Variants in DPPA2 observed in about 807,000 individuals in gnomAD.
The protein encoded by DPPA2 is developmental pluripotency associated 2.
Under a neutral mutation model 36.2 loss-of-function variants are expected in DPPA2, and 26 were observed. The ratio of observed to expected loss-of-function variants is 0.72; its 90% confidence interval spans 0.53 to 1.00. DPPA2 has a LOEUF of 1.00. Among genes scored for constraint, DPPA2 ranks in the 50% least tolerant of loss-of-function variants. The pLI, the probability that DPPA2 is intolerant of heterozygous loss-of-function variation, is 0.00. For synonymous variants in DPPA2, 113 were observed against 123.2 expected (o/e 0.92, Z 0.55); for missense variants, 361 against 365.1 (o/e 0.99, Z 0.09).
Position 109,312,657 on chromosome 3 carries a change from AC to A in DPPA2, c.68del (p.Ser23MetfsTer2). ...FLEGEVDDEE[S>X]VILTLVPVKD... ...TAACTGGCACCAGTGTCAAAATCAC[AC>A]TTTCCTCATCATCTACTTCCCCCTC... On this transcript the variant is annotated frameshift_variant, in exon 3 of 9. Transcript: ENST00000478945. LOFTEE classifies it high-confidence loss of function. 6.2e-7 allele frequency: 1 copy of A among 1,613,914 alleles called. No homozygotes were observed. The highest frequency in any genetic ancestry group is 8.5e-7 in the Non-Finnish European group (1 of 1,179,864).
At chr3:109,311,671 C>T (rs548857727) in intron 3 of DPPA2, among the ~76,000 whole-genome samples, 11 of 151,282 alleles carry the variant, frequency 7.3e-5, no homozygotes, top group African/African-American at 1.5e-4. Context: ...ACCCAGGAGG[C>T]GGAGGTTGCA....
chr3:109,307,823 T>C (rs1257722757), intron 6 of DPPA2, among the ~76,000 whole-genome samples: 1 of 152,150 alleles, frequency 6.6e-6, no homozygotes, highest in Non-Finnish European at 1.5e-5. Context: ...AAAGGGCCAC[T>C]ACTCAGTCAC....
intron 8 of DPPA2, 64 bp downstream of exon 8, chr3:109,300,305 ACT>A: frequency 7.7e-7 from 1 of 1,307,004 alleles, no homozygotes; most frequent in South Asian, 1.2e-5. Flanking sequence ...CTTGTATGTG[ACT>A]CTTTTCAATT....
intron 2 of DPPA2, among the ~76,000 whole-genome samples, chr3:109,314,029 A>G (rs534436303): frequency 6.6e-6 from 1 of 152,256 alleles, no homozygotes; most frequent in South Asian, 2.1e-4. Flanking sequence ...TACCAAGGCC[A>G]CTGGGAGTAG....
chr3:109,301,669 A>G (rs1422044512), intron 7 of DPPA2, among the ~76,000 whole-genome samples: 2 of 51,002 alleles, frequency 3.9e-5, no homozygotes, highest in Non-Finnish European at 9.0e-5. Context: ...AAAAAAATTT[A>G]AAAAGGAAAA....
At chr3:109,305,104 C>T (rs1707530933) in intron 6 of DPPA2, among the ~76,000 whole-genome samples, 1 of 151,974 alleles carries the variant, frequency 6.6e-6, no homozygotes, top group African/African-American at 2.4e-5. Flanking sequence ...TGAGATCACA[C>T]CACTGCACTC....
At chr3:109,304,235 T>C (rs377622812) in intron 7 of DPPA2, among the ~76,000 whole-genome samples, 3 of 151,454 alleles carry the variant, frequency 2.0e-5, no homozygotes, top group African/African-American at 7.3e-5. Flanking sequence ...ATCATGCCAC[T>C]GCACTGCAGC....
At chr3:109,299,081 C>T (rs1047192219) in intron 8 of DPPA2, among the ~76,000 whole-genome samples, 3 of 151,536 alleles carry the variant, frequency 2.0e-5, no homozygotes, top group Admixed American at 6.6e-5. Flanking sequence ...AAAAAGAGGC[C>T]GGGCACGGTG....
In DPPA2 at chr3:109,307,898, G is replaced by A. The variant is rs1576821625; in HGVS notation, c.658+134C>T. On this transcript the variant is annotated intron_variant, in intron 6 of 8. Transcript: ENST00000478945. ...TCAATATGACAGATAGAAGAAAGATGTCCCATGTGAATCCAATTTCTAATC... is the reference window on the plus strand; with the variant it reads ...TCAATATGACAGATAGAAGAAAGATATCCCATGTGAATCCAATTTCTAATC... 5 of 1,179,850 alleles carry A rather than the reference G, an allele frequency of 4.2e-6. No individual in the cohort carries two copies. In the East Asian group the frequency reaches 1.3e-4, roughly 30 times the overall value. 73.1% of individuals were successfully genotyped at this position (1,179,850 alleles called of 1,614,324 possible).
chr3:109,300,527 G>C, intron 7 of DPPA2, 92 bp from the exon 8 acceptor site: 2 of 1,292,768 alleles, frequency 1.5e-6, no homozygotes, highest in South Asian at 2.4e-5. Context: ...ATAAAATAAA[G>C]CATGCACTTC....
At chr3:109,296,703 G>A (rs921081651) in intron 8 of DPPA2, among the ~76,000 whole-genome samples, 1 of 150,780 alleles carries the variant, frequency 6.6e-6, no homozygotes, top group Admixed American at 6.6e-5. Flanking sequence ...AAAAAAGGAA[G>A]GAAAGAAATG....
Position 109,309,266 on chromosome 3 carries a change from G to C in DPPA2, c.246C>G (p.Ala82=), listed in dbSNP as rs1049511196. The change falls in exon 4 of 9, where the codon GCC becomes GCG. Residue 82 remains alanine (A), a synonymous_variant. Transcript: ENST00000478945. The part of the protein sequence containing the change: ...APQKARCKIP[A]LPLPTILPPI... ...GAGGCAAAATGGTCGGCAAGGGAAG[G>C]GCTGGTATTTTGCATCTAGCTTTTT... 7 of 1,614,120 alleles carry C rather than the reference G, an allele frequency of 4.3e-6. No individual in the cohort carries two copies. The highest frequency in any genetic ancestry group is 5.9e-6 in the Non-Finnish European group (7 of 1,180,022).
chr3:109,308,328 C>T (rs753622315), intron 5 of DPPA2, 35 bp from the exon 6 acceptor site: 9 of 1,600,328 alleles, frequency 5.6e-6, no homozygotes, highest in Middle Eastern at 1.7e-4. Context: ...ATTCAGTAAA[C>T]CGCTAGGGCT....
In DPPA2 at chr3:109,308,039, T is replaced by G. The variant is rs1443258268; in HGVS notation, c.651A>C (p.Gln217His). ...CTTTAAGGTTGATCTTACCAGAGGC[T>G]TGCATCAAAAAGGCCTCAACAGAAA... is the stretch of plus-strand genomic sequence containing the variant. ...IPVSVEAFLM[Q>H]ASGVRWCVVH... The change falls in exon 6 of 9, where the codon CAA becomes CAC. Residue 217 changes from glutamine to histidine, a missense_variant. Gln to His is a conservative substitution (Grantham distance 24). Coordinates refer to ENST00000478945, the MANE Select transcript of DPPA2 (RefSeq NM_138815.4). The G allele has an allele frequency of 6.2e-7, 1 of 1,613,942 alleles. No homozygotes were observed. The highest frequency in any genetic ancestry group is 1.3e-5 in the African/African-American group (1 of 74,942).
At chr3:109,297,249 C>G (rs1477742849) in intron 8 of DPPA2, among the ~76,000 whole-genome samples, 2 of 152,084 alleles carry the variant, frequency 1.3e-5, no homozygotes, top group African/African-American at 4.8e-5. Context: ...ACTGGCTGGG[C>G]ACAGTGGCTC....
At chr3:109,304,350 G>C (rs1239764948) in intron 7 of DPPA2, 125 bp downstream of exon 7, 8 of 983,446 alleles carry the variant, frequency 8.1e-6, no homozygotes, top group Non-Finnish European at 1.2e-5. Flanking sequence ...ATTTTTGCCT[G>C]ATCTATGTGG....
At chr3:109,296,684 AT>A (rs60667498) in intron 8 of DPPA2, among the ~76,000 whole-genome samples, 11,191 of 68,480 alleles carry the variant, frequency 0.16, 834 homozygotes, top group African/African-American at 0.31. Flanking sequence ...CTCAAAAAAA[AT>A]AATAAAAAAA....
intron 1 of DPPA2, among the ~76,000 whole-genome samples, chr3:109,315,693 T>C (rs182037584): frequency 9.2e-5 from 14 of 152,280 alleles, no homozygotes; most frequent in Admixed American, 1.3e-4. Context: ...AGGGTGACCA[T>C]GGTCCATTTA....
chr3:109,312,706 T>C lies in DPPA2; in HGVS notation c.34-14A>G, dbSNP rs770909234. The C allele has an allele frequency of 1.9e-6, 3 of 1,612,288 alleles. No homozygotes were observed. The highest frequency in any genetic ancestry group is 1.7e-6 in the Non-Finnish European group (2 of 1,178,624). On this transcript the variant is annotated splice_polypyrimidine_tract_variant and intron_variant, in intron 2 of 8. Transcript: ENST00000478945. ...CTCCAAGAAATTCTGGAAAGAGAAG[T>C]CAGTCACTGATTTTCATTTGATGCG...
Sources: gnomAD v4.1 joint callset for allele counts (sites outside exome capture counted in the v4.1 genomes callset) on GRCh38, gnomAD v4.1.1 for gene constraint, MANE v1.5 for transcripts, NCBI Gene and HGNC (gene_info 2026-07-23, HGNC 2026-07-21) for gene names.